Variants in ULK4 observed in about 807,000 individuals in gnomAD.
ULK4 encodes the protein inactive serine/threonine-protein kinase ULK4.
Under a neutral mutation model 160.6 loss-of-function variants are expected in ULK4, and 133 were observed. The ratio of observed to expected loss-of-function variants is 0.83; its 90% CI spans 0.72 to 0.96. The LOEUF (loss-of-function observed/expected upper bound fraction) is 0.96. Among genes scored for constraint, ULK4 ranks in the 40% least tolerant of loss-of-function variants. The pLI is 0.00. For missense variants in ULK4, 1,580 were observed against 1,499.5 expected, an observed-to-expected ratio of 1.05 and a Z score of -0.89; for synonymous variants, 534 against 539.8, an observed-to-expected ratio of 0.99 and a Z score of 0.15.
chr3:41,712,906 G>A lies in ULK4; in HGVS notation c.2634+2331C>T, dbSNP rs193287705. ...ACCCTGTCTCGAAAAAAGAAAAAAAGCAAAAAAACAAGCAAAAAAAAAAAT... is the reference window on the plus strand; with the variant it reads ...ACCCTGTCTCGAAAAAAGAAAAAAAACAAAAAAACAAGCAAAAAAAAAAAT... On this transcript the variant is annotated intron_variant, in intron 25 of 36. Transcript: ENST00000301831. 3.2e-3 allele frequency among the ~76,000 whole-genome samples: 491 copies of A among 151,126 alleles called. 6 individuals are homozygous for A. The highest frequency in any genetic ancestry group is 0.011 in the African/African-American group (450 of 41,236).
At chr3:41,429,780 T>C (rs539440330) in intron 34 of ULK4, among the ~76,000 whole-genome samples, 19 of 152,136 alleles carry the variant, frequency 1.2e-4, no homozygotes, top group African/African-American at 4.3e-4. Context: ...CCAGGATAAA[T>C]AGCTAATGCA....
chr3:41,418,285 T>G (rs553650054), intron 34 of ULK4, among the ~76,000 whole-genome samples: 3 of 141,114 alleles, frequency 2.1e-5, no homozygotes, highest in Admixed American at 1.4e-4. Context: ...AATTGACACA[T>G]AGACTAGTAC....
intron 5 of ULK4, among the ~76,000 whole-genome samples, chr3:41,924,890 C>T (rs1254089240): frequency 6.6e-6 from 1 of 152,170 alleles, no homozygotes; most frequent in African/African-American, 2.4e-5. Context: ...ACAACTGCCA[C>T]CAAACTCAGC....
chr3:41,583,670 C>T (rs1324571938), intron 31 of ULK4, among the ~76,000 whole-genome samples: 2 of 152,188 alleles, frequency 1.3e-5, no homozygotes, highest in African/African-American at 4.8e-5. Flanking sequence ...CTCCTCAGGC[C>T]ATGGCCTCCT....
chr3:41,249,496 C>T lies in ULK4; in HGVS notation c.3757G>A (p.Gly1253Arg). The change falls in exon 36 of 37, where the codon GGG (glycine) becomes AGG (arginine). Residue 1253 changes from glycine (G) to arginine (R), a missense_variant. Gly to Arg is a moderately radical substitution (Grantham distance 125). Coordinates refer to ENST00000301831, the MANE Select transcript of ULK4 (RefSeq NM_017886.4). ...CTCCTGGGTCCCACTTACCCACTCCCAGGGGCCAGCCGCTCCAGAGCCCGC... is the reference window on the plus strand; with the variant it reads ...CTCCTGGGTCCCACTTACCCACTCCTAGGGGCCAGCCGCTCCAGAGCCCGC... The part of the protein sequence containing the change: ...LLRALERLAP[G>R]SGSFADSAVA... The T allele has an allele frequency of 6.2e-7, 1 of 1,613,660 alleles. No individual in the cohort carries two copies. The highest frequency in any genetic ancestry group is 8.5e-7 in the Non-Finnish European group (1 of 1,179,830).
At chr3:41,949,225 T>G (rs1350276610) in intron 2 of ULK4, among the ~76,000 whole-genome samples, 1 of 151,290 alleles carries the variant, frequency 6.6e-6, no homozygotes, top group Admixed American at 6.6e-5. Context: ...AGGAGAATCG[T>G]TTGAACCTGG....
At chr3:41,804,249 T>TC (rs1231805542) in intron 19 of ULK4, among the ~76,000 whole-genome samples, 6 of 152,144 alleles carry the variant, frequency 3.9e-5, no homozygotes, top group African/African-American at 1.4e-4. Context: ...ATGGTGAGCA[T>TC]TTTTTCATGT....
intron 32 of ULK4, among the ~76,000 whole-genome samples, chr3:41,541,346 G>A (rs1197196545): frequency 6.6e-6 from 1 of 152,082 alleles, no homozygotes; most frequent in African/African-American, 2.4e-5. Flanking sequence ...GTAGATGTGT[G>A]GTGTTATTTC....
intron 32 of ULK4, among the ~76,000 whole-genome samples, chr3:41,560,487 A>G (rs2087519318): frequency 1.3e-5 from 2 of 152,160 alleles, no homozygotes; most frequent in African/African-American, 2.4e-5. Flanking sequence ...GATTCTTCCT[A>G]TCCATGAACA....
At chr3:41,484,956 A>G (rs1014194209) in intron 32 of ULK4, among the ~76,000 whole-genome samples, 1 of 152,240 alleles carries the variant, frequency 6.6e-6, no homozygotes, top group Admixed American at 6.5e-5. Flanking sequence ...AAACTATATC[A>G]TTTATAAGTC....
chr3:41,268,133 C>T (rs1021924193), intron 35 of ULK4, among the ~76,000 whole-genome samples: 2 of 152,182 alleles, frequency 1.3e-5, no homozygotes, highest in Admixed American at 6.5e-5. Context: ...TGCTGCTATA[C>T]ACTCCATATT....
chr3:41,617,157 G>A (rs1253682241), intron 30 of ULK4, among the ~76,000 whole-genome samples: 1 of 152,188 alleles, frequency 6.6e-6, no homozygotes, highest in Non-Finnish European at 1.5e-5. Flanking sequence ...TGGGGGAAGG[G>A]GCAGCTGTGG....
intron 35 of ULK4, among the ~76,000 whole-genome samples, chr3:41,391,607 G>A (rs1019241898): frequency 4.0e-5 from 6 of 151,724 alleles, no homozygotes; most frequent in African/African-American, 1.5e-4. Context: ...AAGAATGGCT[G>A]CAGAATTCCT....
At chr3:41,705,435 T>C (rs1346694938) in intron 25 of ULK4, 130 bp from the exon 26 acceptor site, 2 of 489,772 alleles carry the variant, frequency 4.1e-6, no homozygotes, top group African/African-American at 2.0e-5. Context: ...AAATACTCTA[T>C]ACATATTATA....
chr3:41,460,017 T>C (rs1281265510), intron 33 of ULK4, among the ~76,000 whole-genome samples: 1 of 152,106 alleles, frequency 6.6e-6, no homozygotes, highest in Non-Finnish European at 1.5e-5. Context: ...GAGGGTAGTT[T>C]ATGGTGAAGG....
intron 35 of ULK4, among the ~76,000 whole-genome samples, chr3:41,396,585 G>T (rs575508430): frequency 6.6e-6 from 1 of 152,100 alleles, no homozygotes; most frequent in Non-Finnish European, 1.5e-5. Flanking sequence ...AGCTTGAGAG[G>T]CCTGCTCTGT....
At chr3:41,947,289 C>T (rs567573026) in intron 2 of ULK4, among the ~76,000 whole-genome samples, 8 of 152,032 alleles carry the variant, frequency 5.3e-5, no homozygotes, top group Non-Finnish European at 8.8e-5. Context: ...CCAGCCCGGG[C>T]GACAGAGCGA....
At chr3:41,791,789 G>GA (rs2040158903) in intron 20 of ULK4, among the ~76,000 whole-genome samples, 1 of 152,044 alleles carries the variant, frequency 6.6e-6, no homozygotes, top group South Asian at 2.1e-4. Context: ...TATATGCACT[G>GA]AAAAAATGAG....
intron 22 of ULK4, among the ~76,000 whole-genome samples, chr3:41,735,713 TATA>T (rs1254501173): frequency 1.3e-5 from 2 of 150,376 alleles, no homozygotes; most frequent in African/African-American, 4.9e-5. Context: ...TTATTATTAT[TATA>T]CTTTAAGTTT....
Sources: allele counts gnomAD v4.1 joint callset (sites outside exome capture counted in the v4.1 genomes callset), GRCh38; gene constraint gnomAD v4.1.1; transcripts MANE v1.5; gene names NCBI Gene and HGNC (gene_info 2026-07-23, HGNC 2026-07-21).